The following NR1I2 variants were observed in gnomAD, a reference collection of about 807,000 sequenced individuals.
NR1I2 encodes the protein nuclear receptor subfamily 1 group I member 2.
Under a neutral mutation model 43.3 loss-of-function variants are expected in NR1I2, and 42 were observed. That is an observed-to-expected ratio of 0.97 (90% CI 0.76 to 1.26). The LOEUF (loss-of-function observed/expected upper bound fraction) is 1.26, where lower values mean the gene tolerates loss of function less well. Among genes scored for constraint, NR1I2 ranks in the 50% most tolerant of loss-of-function variants. The pLI, the probability that NR1I2 is intolerant of heterozygous loss-of-function variation, is 0.00. For missense variants in NR1I2, 559 were observed against 566.7 expected (o/e 0.99, Z 0.14); for synonymous variants, 229 against 215.0 (o/e 1.06, Z -0.57).
rs188933659 is a variant in NR1I2 at position 119,815,051 on chromosome 3, C to T, written c.867C>T (p.Asn289=). 16 of 1,614,158 alleles carry T rather than the reference C, an allele frequency of 9.9e-6. No individual in the cohort carries two copies. In the Admixed American group the frequency reaches 2.0e-4, roughly 20 times the overall value. Residue 289 remains asparagine (N), a synonymous_variant, in exon 6 of 9, where the codon AAC becomes AAT. Transcript: ENST00000393716. ...TCGAGCTGTGTCAACTGAGATTCAA[C>T]ACAGTGTTCAACGCGGAGACTGGAA...
At chr3:119,810,449 C>T (rs2055223961) in intron 3 of NR1I2, 2 of 568,462 alleles carry the variant, frequency 3.5e-6, no homozygotes, top group South Asian at 4.5e-5. Flanking sequence ...AGGGCGTGCC[C>T]TCTGTCTCCC....
intron 5 of NR1I2, among the ~76,000 whole-genome samples, chr3:119,813,443 A>G (rs192525674): frequency 6.6e-6 from 1 of 152,294 alleles, no homozygotes; most frequent in East Asian, 1.9e-4. Context: ...TGTGGAGGCA[A>G]CAACCATCGG....
intron 6 of NR1I2, 70 bp downstream of exon 6, chr3:119,815,191 C>T (rs2055306304): frequency 8.1e-6 from 13 of 1,606,738 alleles, no homozygotes; most frequent in South Asian, 2.2e-5. Context: ...AAGGGAGCTA[C>T]GCCAGGATAT....
intron 1 of NR1I2, among the ~76,000 whole-genome samples, chr3:119,788,372 C>A (rs182295837): frequency 1.1e-3 from 172 of 152,310 alleles, no homozygotes; most frequent in Admixed American, 3.3e-3. Context: ...CCTGCCTCAG[C>A]CCCCCTAAGC....
chr3:119,793,706 G>A (rs1358533264), intron 1 of NR1I2, among the ~76,000 whole-genome samples: 1 of 152,196 alleles, frequency 6.6e-6, no homozygotes, highest in Non-Finnish European at 1.5e-5. Context: ...CCCATCTCCA[G>A]GTTCTGTACC....
intron 1 of NR1I2, among the ~76,000 whole-genome samples, chr3:119,804,330 A>G (rs934741128): frequency 6.6e-6 from 1 of 150,642 alleles, no homozygotes; most frequent in Non-Finnish European, 1.5e-5. Context: ...AGCCAAGATC[A>G]TGCCACTGCA....
intron 3 of NR1I2, chr3:119,810,403 T>A: frequency 1.5e-6 from 1 of 682,506 alleles, no homozygotes; most frequent in Non-Finnish European, 2.4e-6. Flanking sequence ...GAGTCGGTAA[T>A]CTCTGCCCTG....
chr3:119,811,530 T>A lies in NR1I2; in HGVS notation c.332-9T>A. On this transcript the variant is annotated splice_polypyrimidine_tract_variant and intron_variant, in intron 3 of 8. Coordinates refer to ENST00000393716, the MANE Select transcript of NR1I2 (RefSeq NM_003889.4). Reference sequence around the variant, plus strand: ...ACGTGTGCCTGAGCCAGCCTCACTGTCCCTGCAGTGATCATGTCCGACGAG... The same window carrying A: ...ACGTGTGCCTGAGCCAGCCTCACTGACCCTGCAGTGATCATGTCCGACGAG... 6.2e-7 allele frequency: 1 copy of A among 1,609,670 alleles called. No homozygotes were observed. Among genetic ancestry groups the A allele is most frequent in the Non-Finnish European group, 8.5e-7 (1 of 1,177,718 alleles).
chr3:119,817,018 G>A, intron 8 of NR1I2, 50 bp from the exon 9 acceptor site: 2 of 1,612,934 alleles, frequency 1.2e-6, no homozygotes, highest in Non-Finnish European at 1.7e-6. Flanking sequence ...CCTGAGGCTT[G>A]TGGGTCAGGG....
At chr3:119,792,487 C>G (rs1007598716) in intron 1 of NR1I2, 2 of 1,080,628 alleles carry the variant, frequency 1.9e-6, no homozygotes, top group African/African-American at 1.5e-5. Flanking sequence ...CGTACCAGCT[C>G]TCTCGCTCTT....
chr3:119,795,282 GC>G (rs2054981827), intron 1 of NR1I2, among the ~76,000 whole-genome samples: 1 of 152,206 alleles, frequency 6.6e-6, no homozygotes, highest in Non-Finnish European at 1.5e-5. Context: ...TAACAGATAA[GC>G]TTTGTGTGCC....
intron 1 of NR1I2, among the ~76,000 whole-genome samples, chr3:119,790,815 A>T (rs532604992): frequency 1.3e-5 from 2 of 152,302 alleles, no homozygotes; most frequent in South Asian, 4.1e-4. Flanking sequence ...AAAACAGTAC[A>T]TTTCTTCCTT....
chr3:119,792,042 A>C, intron 1 of NR1I2: 1 of 727,988 alleles, frequency 1.4e-6, no homozygotes, highest in Non-Finnish European at 2.5e-6. Context: ...TCAACCACAT[A>C]ATGTGCCAGT....
At chr3:119,815,922 G>T in intron 8 of NR1I2, 91 bp downstream of exon 8, 1 of 1,057,026 alleles carries the variant, frequency 9.5e-7, no homozygotes. Context: ...CCAGAGGGTG[G>T]CATCTGGAGG....
At position 119,811,397 on chromosome 3, in the gene NR1I2, CAG is replaced by C. The variant is rs1337678206; in HGVS notation, c.332-141_332-140del. ...AGCCCACAGGCCTCTTGAGTCCAGA[CAG>C]GGGAGAATTGCTTGTCACCATTACT... On this transcript the variant is annotated intron_variant, in intron 3 of 8. Coordinates refer to ENST00000393716, the MANE Select transcript of NR1I2 (RefSeq NM_003889.4). 7 of 776,802 alleles carry C rather than the reference CAG, an allele frequency of 9.0e-6. No homozygotes were observed. The African/African-American group carries it at 1.1e-4, about 12-fold the overall frequency. 48.1% of individuals were successfully genotyped at this position (776,802 alleles called of 1,614,324 possible).
chr3:119,809,547 T>G (rs974738351), intron 2 of NR1I2, among the ~76,000 whole-genome samples: 158 of 13,296 alleles, frequency 0.012, no homozygotes, highest in South Asian at 0.016. Context: ...CGGCGGGGGG[T>G]GGGGGGAAGG....
intron 1 of NR1I2, among the ~76,000 whole-genome samples, chr3:119,793,804 T>A (rs2054954869): frequency 6.6e-6 from 1 of 152,186 alleles, no homozygotes; most frequent in African/African-American, 2.4e-5. Context: ...TTTGAGGGCC[T>A]TTATTCTATC....
At chr3:119,786,987 G>GGAAAA (rs1285206892) in intron 1 of NR1I2, among the ~76,000 whole-genome samples, 12 of 152,050 alleles carry the variant, frequency 7.9e-5, no homozygotes, top group Non-Finnish European at 4.4e-5. Context: ...TCAGAATAAG[G>GGAAAA]GAAAAGAAAA....
At chr3:119,806,422 C>G (rs1257795670) in intron 1 of NR1I2, among the ~76,000 whole-genome samples, 1 of 152,108 alleles carries the variant, frequency 6.6e-6, no homozygotes, top group Non-Finnish European at 1.5e-5. Context: ...GTAGCTGGGA[C>G]TATAGGCTCA....
Sources: gnomAD v4.1 joint callset for allele counts (sites outside exome capture counted in the v4.1 genomes callset) on GRCh38, gnomAD v4.1.1 for gene constraint, MANE v1.5 for transcripts, NCBI Gene and HGNC (gene_info 2026-07-23, HGNC 2026-07-21) for gene names.